ASCC1: variants seen among roughly 807,000 people sequenced by gnomAD.
The protein encoded by ASCC1 is activating signal cointegrator 1 complex subunit 1.
ASCC1 carries 35 observed loss-of-function variants against 46.6 expected under a neutral mutation model. That is an observed-to-expected ratio of 0.75 (90% confidence interval 0.57 to 0.99). The LOEUF is 0.99. Ranked by LOEUF, ASCC1 falls within the 50% of genes least tolerant of loss-of-function variation. The pLI, the probability that ASCC1 is intolerant of heterozygous loss-of-function variation, is 0.00. For missense variants in ASCC1, 376 were observed against 428.7 expected (o/e 0.88, Z 1.09); for synonymous variants, 143 against 146.6 (o/e 0.98, Z 0.18).
chr10:72,191,883 A>G (rs1484258074), intron 5 of ASCC1, among the ~76,000 whole-genome samples: 2 of 150,320 alleles, frequency 1.3e-5, no homozygotes, highest in East Asian at 4.0e-4. Flanking sequence ...CCTGACCTCA[A>G]GTGATCCACC....
chr10:72,190,183 C>T (rs1306718534), intron 5 of ASCC1: 8 of 763,566 alleles, frequency 1.0e-5, no homozygotes, highest in South Asian at 2.7e-5. Flanking sequence ...GTGCAACTTA[C>T]GGCAAGCCTG....
At chr10:72,104,456 A>G (rs1185470404) in intron 9 of ASCC1, among the ~76,000 whole-genome samples, 1 of 152,148 alleles carries the variant, frequency 6.6e-6, no homozygotes, top group Non-Finnish European at 1.5e-5. Context: ...AAAAGCTTAA[A>G]CTACAAGTTT....
intron 7 of ASCC1, 99 bp downstream of exon 7, chr10:72,152,770 C>A: frequency 7.3e-7 from 1 of 1,376,724 alleles, no homozygotes; most frequent in Non-Finnish European, 1.0e-6. Flanking sequence ...ATGTTCTTTA[C>A]AATAAGAACT....
intron 5 of ASCC1, among the ~76,000 whole-genome samples, chr10:72,179,696 A>G (rs1219504752): frequency 6.6e-6 from 1 of 152,242 alleles, no homozygotes; most frequent in South Asian, 2.1e-4. Flanking sequence ...GGGACTGAAG[A>G]TTAAACAAAA....
intron 9 of ASCC1, among the ~76,000 whole-genome samples, chr10:72,106,163 G>C (rs1370127154): frequency 6.6e-6 from 1 of 152,048 alleles, no homozygotes; most frequent in African/African-American, 2.4e-5. Flanking sequence ...ACTATTTGCT[G>C]TCTCAATACT....
chr10:72,136,484 C>T (rs1846222680), intron 7 of ASCC1, among the ~76,000 whole-genome samples: 1 of 152,170 alleles, frequency 6.6e-6, no homozygotes, highest in African/African-American at 2.4e-5. Flanking sequence ...AAAAATGCAC[C>T]AATCAGCGCT....
chr10:72,122,858 G>GAT (rs1844373264), intron 9 of ASCC1, among the ~76,000 whole-genome samples: 2 of 152,066 alleles, frequency 1.3e-5, no homozygotes, highest in African/African-American at 4.8e-5. Flanking sequence ...TGAAAATGAA[G>GAT]ATACAACTTA....
intron 5 of ASCC1, among the ~76,000 whole-genome samples, chr10:72,167,122 G>A (rs1213422451): frequency 2.0e-5 from 3 of 152,098 alleles, no homozygotes. Flanking sequence ...CCAACGAAAT[G>A]AAAACAAAGA....
intron 7 of ASCC1, among the ~76,000 whole-genome samples, chr10:72,139,108 C>CTTTTTTTTT (rs1410544512): frequency 6.9e-6 from 1 of 144,770 alleles, no homozygotes; most frequent in African/African-American, 2.7e-5. Context: ...TTTCTTTTTT[C>CTTTTTTTTT]TTTTTCTTTT....
intron 4 of ASCC1, among the ~76,000 whole-genome samples, chr10:72,201,149 C>T (rs899782077): frequency 1.3e-5 from 2 of 151,306 alleles, no homozygotes; most frequent in African/African-American, 4.9e-5. Flanking sequence ...GGTGATTATT[C>T]TTTTGTGTGT....
rs374765016 is a variant in ASCC1 at position 72,161,443 on chromosome 10, T to C, written c.626+95A>G. 1.2e-5 allele frequency: 18 copies of C among 1,523,670 alleles called. No homozygotes were observed. The African/African-American group carries it at 1.6e-4, about 14-fold the overall frequency. The allele number at this position is 1,523,670 out of a possible 1,614,324, so 94.4% of individuals were successfully genotyped here. On this transcript the variant is annotated intron_variant, in intron 6 of 9. Transcript: ENST00000672957. ...CATCAAATCACATGAGTCCTTCCCA[T>C]GTTATACACCCTCTGGTTCAAAAAC... is the stretch of plus-strand genomic sequence containing the variant.
chr10:72,216,063 C>T (rs765798995), intron 1 of ASCC1, 144 bp downstream of exon 1: 1 of 152,344 alleles, frequency 6.6e-6, no homozygotes, highest in Non-Finnish European at 1.5e-5. Context: ...ACGCCGCGGT[C>T]CTCGTCGTGG....
intron 9 of ASCC1, among the ~76,000 whole-genome samples, chr10:72,107,045 A>G (rs1249176155): frequency 1.3e-5 from 2 of 152,254 alleles, no homozygotes; most frequent in African/African-American, 4.8e-5. Flanking sequence ...AGCCCTTGGA[A>G]GATCCCAATT....
Position 72,192,222 on chromosome 10 carries a change from G to A in ASCC1, c.489+4589C>T, listed in dbSNP as rs976508072. Among the ~76,000 whole-genome samples the A allele has an allele frequency of 2.8e-4, 43 of 152,064 alleles. 1 individual carries two copies. The highest frequency in any genetic ancestry group is 5.4e-4 in the Non-Finnish European group (37 of 68,012). ...TGTAATCCCAGCACTTTGGGAGGCT[G>A]AGGCAGGTGGATCACGAGGTCAGGA... On this transcript the variant is annotated intron_variant, in intron 5 of 9. Transcript: ENST00000672957.
intron 9 of ASCC1, chr10:72,102,191 G>C: frequency 2.9e-6 from 2 of 688,704 alleles, no homozygotes; most frequent in South Asian, 3.2e-5. Context: ...AGATGAGAAG[G>C]AGATGGAAAA....
chr10:72,123,063 C>T (rs575414756), intron 9 of ASCC1, among the ~76,000 whole-genome samples: 3 of 152,116 alleles, frequency 2.0e-5, no homozygotes, highest in Non-Finnish European at 4.4e-5. Flanking sequence ...AGAGGCTGGG[C>T]GCGGTGGCTA....
chr10:72,133,219 T>C (rs1845806716), intron 7 of ASCC1, 38 bp from the exon 8 acceptor site: 2 of 1,610,458 alleles, frequency 1.2e-6, no homozygotes, highest in Non-Finnish European at 1.7e-6. Flanking sequence ...GAAATCTTAG[T>C]AAACTTCTGA....
At chr10:72,139,823 A>G (rs1846747953) in intron 7 of ASCC1, among the ~76,000 whole-genome samples, 1 of 152,232 alleles carries the variant, frequency 6.6e-6, no homozygotes, top group Admixed American at 6.5e-5. Context: ...CTCACTGTGT[A>G]CAGACATCAT....
chr10:72,209,982 G>C (rs1460858508), intron 3 of ASCC1, among the ~76,000 whole-genome samples: 1 of 151,740 alleles, frequency 6.6e-6, no homozygotes, highest in Non-Finnish European at 1.5e-5. Context: ...ACAAGATCTG[G>C]TTGTTTAAAA....
Sources: allele counts gnomAD v4.1 joint callset (sites outside exome capture counted in the v4.1 genomes callset), GRCh38; gene constraint gnomAD v4.1.1; transcripts MANE v1.5; gene names NCBI Gene and HGNC (gene_info 2026-07-23, HGNC 2026-07-21).